Variants in INTS13 observed in about 807,000 individuals in gnomAD.
The protein encoded by INTS13 is integrator complex subunit 13.
In INTS13, 35 loss-of-function variants were observed where a neutral mutation model predicts 90.2. The ratio of observed to expected loss-of-function variants is 0.39; its 90% CI spans 0.30 to 0.51. The LOEUF is 0.51. Among genes scored for constraint, INTS13 ranks in the 20% least tolerant of loss-of-function variants. The pLI, the probability that INTS13 is intolerant of heterozygous loss-of-function variation, is 0.80. For synonymous variants in INTS13, 309 were observed against 277.1 expected (o/e 1.11, Z -1.14); for missense variants, 601 against 851.2 (o/e 0.71, Z 3.66).
intron 4 of INTS13, 109 bp downstream of exon 4, chr12:26,928,593 TA>T: frequency 9.0e-7 from 1 of 1,110,916 alleles, no homozygotes; most frequent in Non-Finnish European, 1.3e-6. Context: ...AGGCCACTTG[TA>T]ATATGCTTAA....
chr12:26,938,318 A>C (rs1468157619), upstream of INTS13: 2 of 151,762 alleles, frequency 1.3e-5, no homozygotes, highest in African/African-American at 4.8e-5. Context: ...CCCTGGAAAA[A>C]CTCGCGAGAC....
intron 3 of INTS13, among the ~76,000 whole-genome samples, chr12:26,931,483 A>G (rs1057086070): frequency 3.3e-5 from 5 of 152,148 alleles, no homozygotes; most frequent in African/African-American, 1.2e-4. Context: ...AAAAAATAAT[A>G]AAAACACCTT....
chr12:26,916,092 C>T lies in INTS13; in HGVS notation c.1158G>A (p.Leu386=), dbSNP rs1951926531. 1.9e-6 allele frequency: 3 copies of T among 1,613,476 alleles called. No homozygotes were observed. The highest frequency in any genetic ancestry group is 1.7e-6 in the Non-Finnish European group (2 of 1,179,774). The change falls in exon 11 of 17, where the codon TTG becomes TTA. Residue 386 remains leucine (L), a synonymous_variant. Coordinates refer to ENST00000261191, the MANE Select transcript of INTS13 (RefSeq NM_018164.3). The stretch of plus-strand genomic sequence containing the variant: ...TGGATCGAGAACTGCTAAGGACGTG[C>T]AAAAAAATCTCTCCTCCATGGCTAC... ...MLSSHGGEIF[L]HVLSSSRSIL...
In INTS13 at chr12:26,922,547, T is replaced by C. The variant is rs1199465510; in HGVS notation, c.889+69A>G. On this transcript the variant is annotated intron_variant, in intron 8 of 16. Coordinates refer to ENST00000261191, the MANE Select transcript of INTS13 (RefSeq NM_018164.3). Reference sequence around the variant, plus strand: ...GGTCTTGGAATGTCTTCCCTGAGGATGTGGGGGCTACTGTAATATGCTTTC... The same window carrying C: ...GGTCTTGGAATGTCTTCCCTGAGGACGTGGGGGCTACTGTAATATGCTTTC... 4.2e-6 allele frequency: 5 copies of C among 1,185,852 alleles called. No homozygotes were observed. The South Asian group carries it at 7.5e-5, about 18-fold the overall frequency. The allele number at this position is 1,185,852 out of a possible 1,614,324, so 73.5% of individuals were successfully genotyped here.
At chr12:26,909,670 A>C (rs1248766900) in intron 15 of INTS13, among the ~76,000 whole-genome samples, 1 of 152,150 alleles carries the variant, frequency 6.6e-6, no homozygotes, top group Non-Finnish European at 1.5e-5. Context: ...GTCATATGAG[A>C]AATAATTTAT....
intron 7 of INTS13, 140 bp downstream of exon 7, chr12:26,924,215 A>C: frequency 1.4e-6 from 1 of 739,290 alleles, no homozygotes; most frequent in African/African-American, 1.8e-5. Context: ...CTGGTCTCAA[A>C]CTCCTGGCCT....
chr12:26,914,647 G>T, intron 11 of INTS13, 69 bp from the exon 12 acceptor site: 1 of 1,297,688 alleles, frequency 7.7e-7, no homozygotes, highest in Non-Finnish European at 1.1e-6. Flanking sequence ...ACATGTACTA[G>T]TCTGTTTCCC....
chr12:26,908,221 G>A (rs1364301204), intron 15 of INTS13, among the ~76,000 whole-genome samples: 1 of 152,162 alleles, frequency 6.6e-6, no homozygotes, highest in Non-Finnish European at 1.5e-5. Flanking sequence ...TTGAGGAGGA[G>A]AGTGAAAGAT....
chr12:26,921,561 G>C (rs1952118841), intron 8 of INTS13, among the ~76,000 whole-genome samples: 1 of 152,210 alleles, frequency 6.6e-6, no homozygotes, highest in Non-Finnish European at 1.5e-5. Flanking sequence ...AGTCTGGTTT[G>C]TACTGAAGAA....
intron 1 of INTS13, among the ~76,000 whole-genome samples, chr12:26,937,489 T>A (rs1327461288): frequency 2.0e-5 from 3 of 152,196 alleles, no homozygotes. Flanking sequence ...AGAAGGAAAT[T>A]TAAAACTTTT....
At chr12:26,920,559 C>T (rs1952086754) in intron 8 of INTS13, among the ~76,000 whole-genome samples, 1 of 151,890 alleles carries the variant, frequency 6.6e-6, no homozygotes, top group South Asian at 2.1e-4. Context: ...CCACCATGCC[C>T]GGCTAATTTT....
chr12:26,928,836 G>A lies in INTS13; in HGVS notation c.370C>T (p.His124Tyr). The A allele has an allele frequency of 6.2e-7, 1 of 1,614,204 alleles. No homozygotes were observed. Among genetic ancestry groups the A allele is most frequent in the Non-Finnish European group, 8.5e-7 (1 of 1,180,040 alleles). Reference protein sequence around the residue: ...RADPECCSILHGLVAAVETLC... With the variant: ...RADPECCSILYGLVAAVETLC... ...GTTTCCACTGCTGCAACAAGGCCAT[G>A]CAGAATACTGCAGCACTCTGGATCT... Residue 124 changes from histidine to tyrosine, a missense_variant, in exon 4 of 17, where the codon CAT (histidine) becomes TAT (tyrosine). By Grantham distance (83) the His-to-Tyr change is moderately conservative. Coordinates refer to ENST00000261191, the MANE Select transcript of INTS13 (RefSeq NM_018164.3).
intron 3 of INTS13, among the ~76,000 whole-genome samples, chr12:26,933,092 T>C (rs1176151967): frequency 2.0e-5 from 3 of 151,938 alleles, no homozygotes; most frequent in East Asian, 3.9e-4. Context: ...AAAACAGACA[T>C]AGTTAAGAGT....
intron 3 of INTS13, among the ~76,000 whole-genome samples, chr12:26,931,479 T>A (rs1938189106): frequency 6.8e-6 from 1 of 146,556 alleles, no homozygotes; most frequent in Non-Finnish European, 1.5e-5. Context: ...AAACAAAAAA[T>A]AATAAAAACA....
At chr12:26,922,551 G>C in intron 8 of INTS13, 65 bp downstream of exon 8, 1 of 1,228,422 alleles carries the variant, frequency 8.1e-7, no homozygotes, top group South Asian at 1.5e-5. Context: ...TGAGGATGTG[G>C]GGGCTACTGT....
chr12:26,919,766 T>A (rs1210809638), intron 8 of INTS13, among the ~76,000 whole-genome samples: 1 of 140,566 alleles, frequency 7.1e-6, no homozygotes, highest in Non-Finnish European at 1.6e-5. Flanking sequence ...CTAAGTTGTT[T>A]TGGGCATGTT....
intron 8 of INTS13, among the ~76,000 whole-genome samples, chr12:26,920,073 A>T (rs1952063848): frequency 6.6e-6 from 1 of 151,298 alleles, no homozygotes; most frequent in African/African-American, 2.4e-5. Context: ...GCTTGCAGTG[A>T]GCCAAGATCG....
chr12:26,911,738 T>C (rs1278196046), intron 14 of INTS13, among the ~76,000 whole-genome samples: 1 of 152,038 alleles, frequency 6.6e-6, no homozygotes, highest in African/African-American at 2.4e-5. Context: ...TGTAGATGTA[T>C]TTATGTTCTG....
intron 11 of INTS13, 98 bp from the exon 12 acceptor site, chr12:26,914,676 G>A: frequency 1.1e-6 from 1 of 944,676 alleles, no homozygotes; most frequent in Non-Finnish European, 1.5e-6. Flanking sequence ...TCTGTCCTGT[G>A]ATGTGCAACA....
Sources: gnomAD v4.1 joint callset for allele counts (sites outside exome capture counted in the v4.1 genomes callset) on GRCh38, gnomAD v4.1.1 for gene constraint, MANE v1.5 for transcripts, NCBI Gene and HGNC (gene_info 2026-07-23, HGNC 2026-07-21) for gene names.